The following PCDHGA3 variants were observed in gnomAD, a reference collection of about 807,000 sequenced individuals.
PCDHGA3 encodes protocadherin gamma-A3.
PCDHGA3 carries 40 observed loss-of-function variants against 58.5 expected under a neutral mutation model. That is an observed-to-expected ratio of 0.68 (90% CI 0.53 to 0.89). PCDHGA3 has a LOEUF of 0.89. PCDHGA3 is among the 40% of genes least tolerant of loss of function. PCDHGA3 has a pLI of 0.00. For missense variants in PCDHGA3, 1,223 were observed against 1,195.9 expected (o/e 1.02, Z -0.33); for synonymous variants, 530 against 525.7 (o/e 1.01, Z -0.11).
chr5:141,479,109 A>G (rs925202951), intron 1 of PCDHGA3, among the ~76,000 whole-genome samples: 4 of 152,234 alleles, frequency 2.6e-5, no homozygotes, highest in Admixed American at 2.6e-4. Context: ...TATTTCAAGC[A>G]TTCTACTGGA....
rs1588712478 is a variant in PCDHGA3 at position 141,372,895 on chromosome 5, T to G, written c.2424+26438T>G. On this transcript the variant is annotated intron_variant, in intron 1 of 3. Transcript: ENST00000253812. ...AGATAAAAAGAATACAGATTAAATA[T>G]TCCCTGATTACATTATTTTATTGAT... 5 of 1,115,450 alleles carry G rather than the reference T, an allele frequency of 4.5e-6. No individual in the cohort carries two copies. The East Asian group carries it at 1.3e-4, about 29-fold the overall frequency. The allele number at this position is 1,115,450 out of a possible 1,614,324, so 69.1% of individuals were successfully genotyped here.
Position 141,410,082 on chromosome 5 carries a change from G to A in PCDHGA3, c.2424+63625G>A, listed in dbSNP as rs780485949. 1.6e-5 allele frequency: 25 copies of A among 1,612,386 alleles called. No individual in the cohort carries two copies. The Admixed American group carries it at 3.8e-4, about 25-fold the overall frequency. On this transcript the variant is annotated intron_variant, in intron 1 of 3. Transcript: ENST00000253812. ...CTGGGGCTGCGCACTGGGGAGGTGC[G>A]CACGGCTCGAGCCTTAGGCGACAGG... is the stretch of plus-strand genomic sequence containing the variant.
At chr5:141,398,273 A>G (rs1223394149) in intron 1 of PCDHGA3, 1 of 1,414,722 alleles carries the variant, frequency 7.1e-7, no homozygotes, top group Non-Finnish European at 9.6e-7. Flanking sequence ...GTAGTGGGGA[A>G]CCTCGCCACG....
Position 141,491,094 on chromosome 5 carries a change from G to T in PCDHGA3, c.2425-3713G>T. ...TGCCACAGTCCACAGCCCCAGGACT[G>T]TTCCTCGTGTCTACACACACTGGTG... On this transcript the variant is annotated intron_variant, in intron 1 of 3. Transcript: ENST00000253812. This position sits in a 1 kb window ranked among gnomAD's most constrained non-coding sequence, Gnocchi z 6.9. The T allele has an allele frequency of 6.2e-7, 1 of 1,614,202 alleles. No homozygotes were observed. The highest frequency in any genetic ancestry group is 1.1e-5 in the South Asian group (1 of 91,086).
chr5:141,472,371 C>G (rs2099278632), intron 1 of PCDHGA3, among the ~76,000 whole-genome samples: 1 of 151,944 alleles, frequency 6.6e-6, no homozygotes, highest in Admixed American at 6.6e-5. Flanking sequence ...GAAACCCCGT[C>G]TCCACTAAAA....
rs747671382 is a variant in PCDHGA3 at position 141,444,152 on chromosome 5, A to ATTTTTTT, written c.2425-50625_2425-50619dup. On this transcript the variant is annotated intron_variant, in intron 1 of 3. Coordinates refer to ENST00000253812, the MANE Select transcript of PCDHGA3 (RefSeq NM_018916.4). ...GATATGTGTCACTTGTGTGTACTGG[A>ATTTTTTT]TTTTTTTTTTTTTTTTTTTTTTTTT... Among the ~76,000 whole-genome samples, 8 of 33,896 alleles carry ATTTTTTT rather than the reference A, an allele frequency of 2.4e-4. 2 individuals are homozygous for ATTTTTTT. The highest frequency in any genetic ancestry group is 2.1e-3 in the South Asian group (2 of 962). 22.2% of individuals were successfully genotyped at this position (33,896 alleles called of 152,430 possible).
In PCDHGA3 at chr5:141,349,044, A is replaced by G. The variant is rs767994432; in HGVS notation, c.2424+2587A>G. Among the ~76,000 whole-genome samples the G allele has an allele frequency of 1.4e-4, 21 of 152,128 alleles. 1 individual carries two copies. The highest frequency in any genetic ancestry group is 3.9e-4 in the Admixed American group (6 of 15,280). On this transcript the variant is annotated intron_variant, in intron 1 of 3. Coordinates refer to ENST00000253812, the MANE Select transcript of PCDHGA3 (RefSeq NM_018916.4). ...CAAACTCGTTTTGCTCATTAATGGTATAAGTCGGCTGGAGCTGAGAATTGG... is the reference window on the plus strand; with the variant it reads ...CAAACTCGTTTTGCTCATTAATGGTGTAAGTCGGCTGGAGCTGAGAATTGG...
intron 3 of PCDHGA3, among the ~76,000 whole-genome samples, 188 bp from the exon 4 acceptor site, chr5:141,510,759 G>A (rs1026623444): frequency 6.6e-5 from 10 of 152,172 alleles, no homozygotes; most frequent in African/African-American, 2.4e-4. Context: ...TCTCACTCCA[G>A]AGCCTCTTAA....
At position 141,346,433 on chromosome 5, in the gene PCDHGA3, G is replaced by T; in HGVS notation, c.2400G>T (p.Met800Ile). 1 of 1,614,260 alleles carries T rather than the reference G, an allele frequency of 6.2e-7. No individual in the cohort carries two copies. Among genetic ancestry groups the T allele is most frequent in the Non-Finnish European group, 8.5e-7 (1 of 1,180,044 alleles). ...TGATAACTCAGGATTTACTTGAAAT[G>T]AAAGGAGATTCCAACCTACTTCAGG... ...PLLITQDLLE[M>I]KGDSNLLQQA... is the part of the protein sequence containing the mutation. The change falls in exon 1 of 4, where the codon ATG (methionine) becomes ATT (isoleucine). Residue 800 changes from methionine to isoleucine, a missense_variant. By Grantham distance (10) the Met-to-Ile change is conservative. This residue lies in a region of PCDHGA3 where 325 missense variants were observed against 327.5 expected (regional missense o/e 0.99). Coordinates refer to ENST00000253812, the MANE Select transcript of PCDHGA3 (RefSeq NM_018916.4).
intron 1 of PCDHGA3, among the ~76,000 whole-genome samples, chr5:141,438,629 TATATATAC>T (rs1474630940): frequency 0.043 from 2,039 of 47,824 alleles, 19 homozygotes; most frequent in South Asian, 0.061. Flanking sequence ...TATATATATA[TATATATAC>T]ACACACACAC....
At chr5:141,351,798 A>G in intron 1 of PCDHGA3, 2 of 1,613,318 alleles carry the variant, frequency 1.2e-6, no homozygotes, top group Non-Finnish European at 8.5e-7. Context: ...GTGTTCGCGC[A>G]GCGCGCCTTC....
intron 1 of PCDHGA3, chr5:141,382,927 T>G: frequency 6.3e-7 from 1 of 1,579,076 alleles, no homozygotes; most frequent in Non-Finnish European, 8.6e-7. Context: ...GGGCGGGGAC[T>G]ACAGAGGATT....
rs756742340 is a variant in PCDHGA3, at chr5:141,366,531, G to A, written c.2424+20074G>A. 11 of 1,614,152 alleles carry A rather than the reference G, an allele frequency of 6.8e-6. No individual in the cohort carries two copies. The Admixed American group carries it at 1.5e-4, about 22-fold the overall frequency. On this transcript the variant is annotated intron_variant, in intron 1 of 3. Coordinates refer to ENST00000253812, the MANE Select transcript of PCDHGA3 (RefSeq NM_018916.4). The stretch of plus-strand genomic sequence containing the variant: ...CAGGCTGAAGGCAGCAGGTTGGCGG[G>A]TGTGCCCGCCTCGCACTTTGTGGGC...
intron 1 of PCDHGA3, chr5:141,393,560 G>A (rs1448273528): frequency 1.5e-5 from 24 of 1,613,796 alleles, no homozygotes; most frequent in Non-Finnish European, 2.0e-5. Context: ...TTTACCGAGT[G>A]AAAGTCCTTG....
At chr5:141,428,187 C>G in intron 1 of PCDHGA3, 3 of 1,439,502 alleles carry the variant, frequency 2.1e-6, no homozygotes, top group South Asian at 1.2e-5. Flanking sequence ...GGACAGCCGC[C>G]GCTCTCTGCG....
chr5:141,385,264 G>T (rs879420336), intron 1 of PCDHGA3: 21 of 1,613,712 alleles, frequency 1.3e-5, no homozygotes, highest in Non-Finnish European at 1.6e-5. Flanking sequence ...TGAGAAAAAT[G>T]ATTCTTTGCT....
At chr5:141,423,094 C>CGCGTGCGT (rs2096708722) in intron 1 of PCDHGA3, 4 of 1,613,860 alleles carry the variant, frequency 2.5e-6, no homozygotes, top group African/African-American at 2.7e-5. Flanking sequence ...GGTGGGGGAG[C>CGCGTGCGT]ACACGGGCGA....
At chr5:141,367,574 ATC>A (rs1765238671) in intron 1 of PCDHGA3, 1 of 151,104 alleles carries the variant, frequency 6.6e-6, no homozygotes, top group Middle Eastern at 3.4e-3. Flanking sequence ...ATAAATAAAT[ATC>A]AGAAAAGTAG....
At position 141,433,358 on chromosome 5, in the gene PCDHGA3, C is replaced by CTATCTAT. The variant is rs2097585632; in HGVS notation, c.2425-61449_2425-61448insTATCTAT. ...ACAGGTGCAAGCCACCTACTGTCTG[C>CTATCTAT]CTATCTATCTATCTATCTATCTATC... On this transcript the variant is annotated intron_variant, in intron 1 of 3. Coordinates refer to ENST00000253812, the MANE Select transcript of PCDHGA3 (RefSeq NM_018916.4). 11 of 503,932 alleles carry CTATCTAT rather than the reference C, an allele frequency of 2.2e-5. No individual in the cohort carries two copies. The African/African-American group carries it at 2.3e-4, about 10-fold the overall frequency. The allele number at this position is 503,932 out of a possible 1,614,324, so 31.2% of individuals were successfully genotyped here.
Sources: allele counts gnomAD v4.1 joint callset (sites outside exome capture counted in the v4.1 genomes callset), GRCh38; gene constraint gnomAD v4.1.1; regional missense constraint gnomAD v4.1.1; non-coding constraint Gnocchi (gnomAD v3.1); transcripts MANE v1.5; gene names NCBI Gene and HGNC (gene_info 2026-07-23, HGNC 2026-07-21).